RGS12: variants seen among roughly 807,000 people sequenced by gnomAD.
RGS12 encodes the protein regulator of G-protein signaling 12.
A neutral mutation model predicts 120.1 loss-of-function variants in RGS12; 66 were observed. The ratio of observed to expected loss-of-function variants is 0.55; its 90% confidence interval spans 0.45 to 0.67. The LOEUF is 0.67. Among genes scored for constraint, RGS12 ranks in the 30% least tolerant of loss-of-function variants. RGS12 has a pLI of 0.00. For synonymous variants in RGS12, 827 were observed against 804.7 expected (o/e 1.03, Z -0.47); for missense variants, 1,859 against 1,957.7 (o/e 0.95, Z 0.95).
intron 4 of RGS12, among the ~76,000 whole-genome samples, chr4:3,401,631 C>T (rs943419918): frequency 1.3e-5 from 2 of 152,306 alleles, no homozygotes; most frequent in South Asian, 2.1e-4. Flanking sequence ...GAGGAAGGAG[C>T]GGAGCTCTGA....
Position 3,317,361 on chromosome 4 carries a change from T to A in RGS12, c.1191T>A (p.Ile397=), listed in dbSNP as rs1320119414. 1 of 1,613,928 alleles carries A rather than the reference T, an allele frequency of 6.2e-7. No homozygotes were observed. The highest frequency in any genetic ancestry group is 1.3e-5 in the African/African-American group (1 of 74,908). Residue 397 remains isoleucine, a synonymous_variant, in exon 2 of 18, where the codon ATT becomes ATA. Transcript: ENST00000336727. ...TGTACCGAGACATGGGTGAGCTGAT[T>A]GAGGGCATGCGGGCCCGCGCCTTTC... ...SVLYRDMGEL[I]EGMRARAFLD...
chr4:3,350,100 G>A (rs189372574), intron 3 of RGS12, among the ~76,000 whole-genome samples: 2 of 152,172 alleles, frequency 1.3e-5, no homozygotes, highest in East Asian at 1.9e-4. Context: ...TGAGTATCAG[G>A]TTTTCACCTG....
intron 10 of RGS12, among the ~76,000 whole-genome samples, chr4:3,421,930 C>T (rs1364741542): frequency 6.6e-6 from 1 of 152,220 alleles, no homozygotes; most frequent in Non-Finnish European, 1.5e-5. Context: ...CCTCAGACTA[C>T]CGGAAGGCAG....
In RGS12 at chr4:3,317,150, A is replaced by C. The variant is rs1350249846; in HGVS notation, c.980A>C (p.Gln327Pro). 1 of 1,613,174 alleles carries C rather than the reference A, an allele frequency of 6.2e-7. No individual in the cohort carries two copies. The highest frequency in any genetic ancestry group is 8.5e-7 in the Non-Finnish European group (1 of 1,179,576). The change falls in exon 2 of 18, where the codon CAG becomes CCG. Residue 327 changes from glutamine (Q) to proline (P), a missense_variant. Gln to Pro is a moderately conservative substitution (Grantham distance 76). Coordinates refer to ENST00000336727, the MANE Select transcript of RGS12 (RefSeq NM_001394154.1). The stretch of plus-strand genomic sequence containing the variant: ...ACGAATGACGACGGGAGCCTGGCCC[A>C]GGAGGAGGAGGGCGCCCTGCGGACT... ...MQTNDDGSLA[Q>P]EEEGALRTSC...
rs182719201 is a variant in RGS12 at position 3,342,864 on chromosome 4, A to G, written c.1882-73A>G. 31 of 967,676 alleles carry G rather than the reference A, an allele frequency of 3.2e-5. 1 individual carries two copies. In the Admixed American group the frequency reaches 5.3e-4, roughly 17 times the overall value. 59.9% of individuals were successfully genotyped at this position (967,676 alleles called of 1,614,324 possible). On this transcript the variant is annotated intron_variant, in intron 2 of 17. Transcript: ENST00000336727. ...CCACAGTATTCCTTGATTTTCTGCTATGCCATGCATTGGACAAGACTAAAC... is the reference window on the plus strand; with the variant it reads ...CCACAGTATTCCTTGATTTTCTGCTGTGCCATGCATTGGACAAGACTAAAC...
chr4:3,325,893 G>T (rs1012316379), intron 2 of RGS12, among the ~76,000 whole-genome samples: 33 of 152,140 alleles, frequency 2.2e-4, no homozygotes, highest in African/African-American at 8.0e-4. Flanking sequence ...ATCAATAAAT[G>T]TGATATATCC....
At position 3,430,973 on chromosome 4, in the gene RGS12, T is replaced by A. The variant is rs1724237450; in HGVS notation, c.4114+18T>A. On this transcript the variant is annotated intron_variant, in intron 17 of 17. Transcript: ENST00000336727. Reference sequence around the variant, plus strand: ...CAGACCAGGTACCTCCAGGTTCTGATCCCTCCACCTTGGCCCCGTAAGCGT... The same window carrying A: ...CAGACCAGGTACCTCCAGGTTCTGAACCCTCCACCTTGGCCCCGTAAGCGT... 2.5e-6 allele frequency: 4 copies of A among 1,610,522 alleles called. No individual in the cohort carries two copies. Among genetic ancestry groups the A allele is most frequent in the Non-Finnish European group, 3.4e-6 (4 of 1,179,768 alleles).
intron 3 of RGS12, among the ~76,000 whole-genome samples, chr4:3,362,924 T>G (rs1048893755): frequency 6.9e-6 from 1 of 145,718 alleles, no homozygotes; most frequent in African/African-American, 2.6e-5. Context: ...GCAAGGCCAT[T>G]TGGAACGCGA....
At chr4:3,353,334 C>A (rs1010320249) in intron 3 of RGS12, among the ~76,000 whole-genome samples, 7 of 152,148 alleles carry the variant, frequency 4.6e-5, no homozygotes, top group African/African-American at 1.7e-4. Flanking sequence ...GTGCACACTG[C>A]GTCCTGGGGG....
chr4:3,350,404 G>A (rs1714245562), intron 3 of RGS12, among the ~76,000 whole-genome samples: 2 of 152,202 alleles, frequency 1.3e-5, no homozygotes. Context: ...TAAGTCAGCT[G>A]GGTGTGGTGG....
intron 17 of RGS12, chr4:3,431,975 G>C: frequency 3.0e-6 from 3 of 985,458 alleles, no homozygotes; most frequent in Non-Finnish European, 3.6e-6. Flanking sequence ...TGGCATGGGA[G>C]GGGCTACCTG....
At chr4:3,395,848 C>T (rs1719997613) in intron 4 of RGS12, among the ~76,000 whole-genome samples, 1 of 152,058 alleles carries the variant, frequency 6.6e-6, no homozygotes, top group African/African-American at 2.4e-5. Flanking sequence ...GTATAGTTTT[C>T]CCTTAGTGTC....
At chr4:3,342,432 G>T in intron 2 of RGS12, 2 of 1,272,524 alleles carry the variant, frequency 1.6e-6, no homozygotes, top group Non-Finnish European at 2.0e-6. Flanking sequence ...TCCTGCGCCG[G>T]AGTTGGTTGG....
rs770277235 is a variant in RGS12, at chr4:3,316,464, C to T, written c.294C>T (p.Gly98=). 2.2e-5 allele frequency: 35 copies of T among 1,614,048 alleles called. No individual in the cohort carries two copies. The highest frequency in any genetic ancestry group is 2.7e-5 in the Non-Finnish European group (32 of 1,180,050). The part of the protein sequence containing the change: ...SGVLHMVIAE[G]VGRFESCSSD... ...TCCTTCACATGGTGATTGCTGAAGG[C>T]GTCGGCCGCTTCGAATCCTGTTCCA... The change falls in exon 2 of 18, where the codon GGC becomes GGT. Residue 98 remains glycine, a synonymous_variant. Transcript: ENST00000336727.
intron 4 of RGS12, among the ~76,000 whole-genome samples, chr4:3,397,627 A>G (rs932940742): frequency 6.6e-6 from 1 of 152,164 alleles, no homozygotes; most frequent in African/African-American, 2.4e-5. Flanking sequence ...AGGAGCAGAT[A>G]GGGGGGTGAT....
intron 13 of RGS12, among the ~76,000 whole-genome samples, chr4:3,424,205 C>G (rs75370544): frequency 1.3e-3 from 197 of 152,388 alleles, no homozygotes; most frequent in African/African-American, 4.4e-3. Flanking sequence ...AGCTGGGCCC[C>G]GCTGAGGGTG....
chr4:3,293,300 C>G (rs1723150874), intron 1 of RGS12, among the ~76,000 whole-genome samples: 1 of 134,346 alleles, frequency 7.4e-6, no homozygotes, highest in Non-Finnish European at 1.6e-5. Flanking sequence ...GTCCCGGGCC[C>G]GGCGCGGGGC....
Position 3,318,842 on chromosome 4 carries a change from G to A in RGS12, c.1881+791G>A, listed in dbSNP as rs375859775. The stretch of plus-strand genomic sequence containing the variant: ...AGGACTTCCTCCAGCCAGAGGCGGC[G>A]CTGCCGTGTGGGGCTGTGCTGTGTT... On this transcript the variant is annotated intron_variant, in intron 2 of 17. Transcript: ENST00000336727. Among the ~76,000 whole-genome samples the A allele has an allele frequency of 2.0e-5, 3 of 152,242 alleles. No homozygotes were observed. In the East Asian group the frequency reaches 5.8e-4, roughly 29 times the overall value.
chr4:3,313,795 A>G (rs1724562716), intron 1 of RGS12, among the ~76,000 whole-genome samples: 1 of 152,094 alleles, frequency 6.6e-6, no homozygotes, highest in Admixed American at 6.5e-5. Flanking sequence ...CCCCAGGCTC[A>G]CACAGGCGCA....
Sources: allele counts gnomAD v4.1 joint callset (sites outside exome capture counted in the v4.1 genomes callset), GRCh38; gene constraint gnomAD v4.1.1; transcripts MANE v1.5; gene names NCBI Gene and HGNC (gene_info 2026-07-23, HGNC 2026-07-21).